The following ACBD3 variants were observed in gnomAD, a reference collection of about 807,000 sequenced individuals.
The protein encoded by ACBD3 is acyl-CoA binding domain containing 3, also known as Golgi resident protein GCP60.
ACBD3 carries 30 observed loss-of-function variants against 66.9 expected under a neutral mutation model. That is an observed-to-expected ratio of 0.45 (90% CI 0.34 to 0.61). The LOEUF (loss-of-function observed/expected upper bound fraction) is 0.61, where lower values mean the gene tolerates loss of function less well. Among genes scored for constraint, ACBD3 ranks in the 20% least tolerant of loss-of-function variants. The pLI is 0.02. For missense variants in ACBD3, 544 were observed against 664.5 expected (o/e 0.82, Z 1.99); for synonymous variants, 278 against 259.8 (o/e 1.07, Z -0.68).
chr1:226,148,313 C>T (rs1659497536), intron 7 of ACBD3, among the ~76,000 whole-genome samples: 1 of 152,148 alleles, frequency 6.6e-6, no homozygotes, highest in African/African-American at 2.4e-5. Flanking sequence ...TATGGGTACT[C>T]TTTGTGCTAT....
intron 4 of ACBD3, among the ~76,000 whole-genome samples, chr1:226,160,194 C>G (rs189222221): frequency 6.6e-6 from 1 of 151,440 alleles, no homozygotes; most frequent in East Asian, 1.9e-4. Context: ...TAGGTTCAAG[C>G]GATTCTCCTG....
intron 1 of ACBD3, among the ~76,000 whole-genome samples, chr1:226,179,141 T>C (rs569449835): frequency 6.6e-6 from 1 of 152,366 alleles, no homozygotes; most frequent in South Asian, 2.1e-4. Context: ...AGTTATTTAA[T>C]CTTTTGAAAT....
chr1:226,165,164 A>G (rs1659852280), intron 2 of ACBD3, among the ~76,000 whole-genome samples: 3 of 151,536 alleles, frequency 2.0e-5, no homozygotes, highest in Non-Finnish European at 4.4e-5. Flanking sequence ...AAGAGTATCA[A>G]TTTTTCTTTT....
At chr1:226,152,660 T>C in intron 6 of ACBD3, 41 bp from the exon 7 acceptor site, 1 of 1,578,266 alleles carries the variant, frequency 6.3e-7, no homozygotes, top group Non-Finnish European at 8.6e-7. Context: ...AAAAAGAGCC[T>C]TCACCCTGCA....
intron 1 of ACBD3, among the ~76,000 whole-genome samples, chr1:226,184,069 T>TAGTCCC (rs1170268631): frequency 6.6e-6 from 1 of 152,006 alleles, no homozygotes; most frequent in Non-Finnish European, 1.5e-5. Context: ...TGGGCACCTG[T>TAGTCCC]AGTCCCAGCT....
At chr1:226,147,580 G>T (rs1446339385) in intron 7 of ACBD3, among the ~76,000 whole-genome samples, 1 of 152,202 alleles carries the variant, frequency 6.6e-6, no homozygotes, top group Non-Finnish European at 1.5e-5. Flanking sequence ...AAGATGATTT[G>T]TGAGGACTAT....
chr1:226,159,450 T>A, intron 4 of ACBD3, 92 bp from the exon 5 acceptor site: 1 of 1,256,194 alleles, frequency 8.0e-7, no homozygotes, highest in Non-Finnish European at 1.1e-6. Context: ...TTACAGTCTG[T>A]AACTCTTAAA....
intron 3 of ACBD3, among the ~76,000 whole-genome samples, chr1:226,162,796 CTA>C (rs1204995820): frequency 6.6e-6 from 1 of 151,142 alleles, no homozygotes; most frequent in Non-Finnish European, 1.5e-5. Context: ...ATAACATGAC[CTA>C]TTTTTTTTTT....
intron 1 of ACBD3, among the ~76,000 whole-genome samples, chr1:226,177,356 C>T (rs1656063307): frequency 7.7e-6 from 1 of 130,062 alleles, no homozygotes. Context: ...CACCACCACT[C>T]TTGGCTTTTT....
chr1:226,177,164 GTT>G (rs35506283), intron 1 of ACBD3, among the ~76,000 whole-genome samples: 2,608 of 130,398 alleles, frequency 0.02, 105 homozygotes, highest in East Asian at 0.19. Flanking sequence ...CCATGTAGCT[GTT>G]TTTTTTTTTT....
intron 1 of ACBD3, among the ~76,000 whole-genome samples, chr1:226,169,128 A>G (rs1659933529): frequency 6.6e-6 from 1 of 152,034 alleles, no homozygotes; most frequent in Non-Finnish European, 1.5e-5. Context: ...CTCCCAAAGT[A>G]TTGAGATTAC....
chr1:226,156,629 C>T (rs1659677189), intron 5 of ACBD3, among the ~76,000 whole-genome samples: 1 of 152,136 alleles, frequency 6.6e-6, no homozygotes, highest in African/African-American at 2.4e-5. Context: ...ATTTACAAGC[C>T]AATTACTTAA....
At chr1:226,174,197 T>C (rs909655828) in intron 1 of ACBD3, among the ~76,000 whole-genome samples, 6 of 152,012 alleles carry the variant, frequency 3.9e-5, no homozygotes, top group African/African-American at 1.4e-4. Flanking sequence ...CAGGGCCCTA[T>C]TCCTAAAGGA....
At chr1:226,176,616 AGTT>A (rs1456527383) in intron 1 of ACBD3, among the ~76,000 whole-genome samples, 2 of 152,206 alleles carry the variant, frequency 1.3e-5, no homozygotes, top group East Asian at 1.9e-4. Context: ...CTTTAACAAT[AGTT>A]GTGATCCTGG....
intron 5 of ACBD3, among the ~76,000 whole-genome samples, chr1:226,158,881 A>G (rs1057169901): frequency 6.6e-6 from 1 of 152,232 alleles, no homozygotes; most frequent in Non-Finnish European, 1.5e-5. Context: ...CTAGTTACTC[A>G]GGTCCTCATG....
intron 6 of ACBD3, among the ~76,000 whole-genome samples, chr1:226,154,005 A>G (rs1659624529): frequency 6.6e-6 from 1 of 152,186 alleles, no homozygotes; most frequent in Non-Finnish European, 1.5e-5. Flanking sequence ...CCAGGAATTG[A>G]GCTTCCAGCC....
intron 7 of ACBD3, chr1:226,147,988 G>C (rs969383179): frequency 4.6e-5 from 7 of 152,086 alleles, no homozygotes; most frequent in African/African-American, 1.2e-4. Context: ...TGGATTTTCA[G>C]GTTTATAACA....
chr1:226,161,438 G>A (rs974479863), intron 4 of ACBD3, 93 bp downstream of exon 4: 32 of 1,561,746 alleles, frequency 2.0e-5, no homozygotes, highest in Non-Finnish European at 2.5e-5. Context: ...GATTACAGGC[G>A]TGAACCACCA....
chr1:226,167,503 G>A (rs1659897513), intron 1 of ACBD3, among the ~76,000 whole-genome samples: 1 of 152,148 alleles, frequency 6.6e-6, no homozygotes, highest in African/African-American at 2.4e-5. Context: ...AGTGCGACCA[G>A]TTTGACCAAT....
Sources: allele counts gnomAD v4.1 joint callset (sites outside exome capture counted in the v4.1 genomes callset), GRCh38; gene constraint gnomAD v4.1.1; transcripts MANE v1.5; gene names NCBI Gene and HGNC (gene_info 2026-07-23, HGNC 2026-07-21).